TBL1Y: variants seen among roughly 807,000 people sequenced by gnomAD.
TBL1Y encodes the protein F-box-like/WD repeat-containing protein TBL1Y.
Under a neutral mutation model 12.0 loss-of-function variants are expected in TBL1Y, and 15 were observed. The ratio of observed to expected loss-of-function variants is 1.25; its 90% CI spans 0.83 to 1.92. TBL1Y has a LOEUF of 1.92. Ranked by LOEUF, TBL1Y falls within the 40% of genes most tolerant of loss-of-function variation. The probability of loss-of-function intolerance (pLI) is 0.00; values close to 1 mark genes in which losing one functional copy is unlikely to be tolerated. For synonymous variants in TBL1Y, 53 were observed against 42.6 expected (o/e 1.24, Z -0.95); for missense variants, 148 against 116.7 (o/e 1.27, Z -1.24).
intron 2 of TBL1Y, among the ~76,000 whole-genome samples, chrY:6,939,884 A>G: frequency 3.4e-5 from 1 of 29,196 alleles, no homozygotes; most frequent in Non-Finnish European, 8.0e-5. Context: ...CACATTGGTC[A>G]GTCTGATCTT....
chrY:7,044,358 A>G (rs2012746324), intron 7 of TBL1Y, among the ~76,000 whole-genome samples: 1 of 32,746 alleles, frequency 3.1e-5, no homozygotes, highest in South Asian at 7.3e-4. Flanking sequence ...GGCCACAGGC[A>G]TGCGCCACTA....
chrY:7,088,654 C>CA (rs1235725764), intron 17 of TBL1Y, among the ~76,000 whole-genome samples: 1 of 31,016 alleles, frequency 3.2e-5, no homozygotes, highest in Non-Finnish European at 7.9e-5. Context: ...TGTCAATCAT[C>CA]AAAAAAAAAT....
chrY:6,973,084 G>A, intron 2 of TBL1Y, among the ~76,000 whole-genome samples: 1 of 33,070 alleles, frequency 3.0e-5, no homozygotes, highest in African/African-American at 1.2e-4. Flanking sequence ...GGGGAAGGAA[G>A]GGGAAATTAG....
intron 3 of TBL1Y, among the ~76,000 whole-genome samples, chrY:6,980,953 A>T: frequency 2.9e-5 from 1 of 33,974 alleles, no homozygotes; most frequent in South Asian, 6.7e-4. Flanking sequence ...TTGAATGTTC[A>T]GTAGCCACTT....
intron 7 of TBL1Y, among the ~76,000 whole-genome samples, chrY:7,055,580 C>G (rs2012820874): frequency 3.0e-5 from 1 of 33,580 alleles, no homozygotes; most frequent in African/African-American, 1.2e-4. Context: ...CACACCACTG[C>G]ACAGCAACTT....
intron 2 of TBL1Y, among the ~76,000 whole-genome samples, chrY:6,945,528 T>C (rs1603027895): frequency 3.0e-5 from 1 of 32,804 alleles, no homozygotes; most frequent in East Asian, 8.0e-4. Context: ...TCCCAGCTCA[T>C]TGTCCCAATA....
chrY:6,988,594 A>T (rs2012337941), intron 3 of TBL1Y, among the ~76,000 whole-genome samples: 1 of 31,101 alleles, frequency 3.2e-5, no homozygotes, highest in Non-Finnish European at 7.7e-5. Context: ...CAGGAAGTCG[A>T]GCCTTCAGTG....
At chrY:6,921,421 A>G (rs2011777255) in intron 2 of TBL1Y, among the ~76,000 whole-genome samples, 1 of 33,171 alleles carries the variant, frequency 3.0e-5, no homozygotes, top group Non-Finnish European at 7.4e-5. Context: ...CACAATCCTC[A>G]GGCTTTTAGC....
chrY:6,933,656 G>T (rs2011882835), intron 2 of TBL1Y, among the ~76,000 whole-genome samples: 1 of 33,523 alleles, frequency 3.0e-5, no homozygotes, highest in Admixed American at 2.7e-4. Flanking sequence ...AGGGAAGCTG[G>T]ATGTTGGCCC....
At chrY:6,929,189 C>T in intron 2 of TBL1Y, among the ~76,000 whole-genome samples, 1 of 32,845 alleles carries the variant, frequency 3.0e-5, no homozygotes, top group African/African-American at 1.2e-4. Flanking sequence ...TCACCAGGAA[C>T]CCACCCTTTC....
At chrY:7,034,222 C>A (rs201300962) in intron 6 of TBL1Y, among the ~76,000 whole-genome samples, 2 of 32,818 alleles carry the variant, frequency 6.1e-5, no homozygotes, top group Non-Finnish European at 1.5e-4. Flanking sequence ...GAGTGAACTC[C>A]CATTCACAGT....
At chrY:7,041,911 C>G (rs2012723740) in intron 6 of TBL1Y, among the ~76,000 whole-genome samples, 1 of 31,750 alleles carries the variant, frequency 3.1e-5, no homozygotes, top group African/African-American at 1.2e-4. Context: ...CAGTACTGAC[C>G]CCCCGCCCCC....
intron 2 of TBL1Y, among the ~76,000 whole-genome samples, chrY:6,977,262 C>T (rs769050582): frequency 5.2e-4 from 17 of 32,959 alleles, no homozygotes; most frequent in African/African-American, 2.0e-3. Context: ...TGCTGGGGTT[C>T]TTTGGGGGTG....
At chrY:6,983,664 TA>T (rs2012299610) in intron 3 of TBL1Y, among the ~76,000 whole-genome samples, 1 of 33,871 alleles carries the variant, frequency 3.0e-5, no homozygotes, top group African/African-American at 1.2e-4. Flanking sequence ...AGTTGTTTTG[TA>T]AGTTCTTTGT....
chrY:6,967,502 A>G (rs2012177419), intron 2 of TBL1Y, among the ~76,000 whole-genome samples: 2 of 32,333 alleles, frequency 6.2e-5, no homozygotes, highest in Non-Finnish European at 1.5e-4. Flanking sequence ...CTCTTGCCTC[A>G]GCCTTCTGAG....
At chrY:7,011,415 G>A (rs377642982) in intron 4 of TBL1Y, among the ~76,000 whole-genome samples, 26 of 34,452 alleles carry the variant, frequency 7.5e-4, no homozygotes, top group African/African-American at 2.8e-3. Context: ...AATTACAGAC[G>A]TCATTTTTAA....
At chrY:7,030,229 G>A (rs922421431) in intron 6 of TBL1Y, among the ~76,000 whole-genome samples, 15 of 34,026 alleles carry the variant, frequency 4.4e-4, no homozygotes, top group Non-Finnish European at 9.5e-4. Context: ...TGCTCAAGGC[G>A]TATTGGAAAG....
chrY:7,058,193 G>A (rs2012834981), intron 7 of TBL1Y, among the ~76,000 whole-genome samples: 1 of 33,315 alleles, frequency 3.0e-5, no homozygotes, highest in African/African-American at 1.2e-4. Context: ...TCCAGTAAAG[G>A]TCCACCACAA....
At chrY:7,023,642 T>C (rs905899803) in intron 5 of TBL1Y, among the ~76,000 whole-genome samples, 9 of 33,910 alleles carry the variant, frequency 2.7e-4, no homozygotes, top group African/African-American at 1.0e-3. Context: ...TGAATGAACA[T>C]GGCTCAGTGC....
Sources: allele counts gnomAD v4.1 joint callset (sites outside exome capture counted in the v4.1 genomes callset), GRCh38; gene constraint gnomAD v4.1.1; transcripts MANE v1.5; gene names NCBI Gene and HGNC (gene_info 2026-07-23, HGNC 2026-07-21).